SLC38A12: variants seen among roughly 807,000 people sequenced by gnomAD.
The protein encoded by SLC38A12 is putative sodium-coupled neutral amino acid transporter 12.
At chr17:74,812,600 G>A in the SLC38A12 span, among the ~76,000 whole-genome samples, 12 of 151,252 alleles carry the variant, frequency 7.9e-5, no homozygotes, top group South Asian at 4.2e-4. Flanking sequence ...TTCTTTTATC[G>A]CTTGAAATAA....
the SLC38A12 span, chr17:74,837,831 C>G: frequency 1.0e-6 from 1 of 986,042 alleles, no homozygotes; most frequent in Non-Finnish European, 1.2e-6. Flanking sequence ...GTGCCTTCTA[C>G]TGCTTCAGGA....
the SLC38A12 span, chr17:74,795,400 A>C: frequency 1.2e-6 from 1 of 812,628 alleles, no homozygotes; most frequent in South Asian, 1.7e-5. Flanking sequence ...TGCATCCCGC[A>C]AAGTGGTTTG....
the SLC38A12 span, among the ~76,000 whole-genome samples, chr17:74,831,387 A>G: frequency 6.6e-6 from 1 of 152,212 alleles, no homozygotes; most frequent in African/African-American, 2.4e-5. Flanking sequence ...GAATGAAGGA[A>G]TGAACAGTCC....
chr17:74,805,139 G>C, the SLC38A12 span, among the ~76,000 whole-genome samples: 3 of 152,230 alleles, frequency 2.0e-5, no homozygotes, highest in African/African-American at 7.2e-5. This position sits in a 1 kb window ranked among gnomAD's most constrained non-coding sequence, Gnocchi z 5.0. Flanking sequence ...CAGATCTGTC[G>C]AGGTAGTAAA....
chr17:74,839,268 C>G, the SLC38A12 span: 11 of 1,236,606 alleles, frequency 8.9e-6, no homozygotes, highest in Non-Finnish European at 1.2e-5. Context: ...CACAGCTGTC[C>G]TCACTACGGG....
chr17:74,803,210 C>T, the SLC38A12 span, among the ~76,000 whole-genome samples: 1 of 152,158 alleles, frequency 6.6e-6, no homozygotes, highest in Admixed American at 6.5e-5. Context: ...TGTAAAAGAA[C>T]TTCAGGAGCC....
At chr17:74,838,610 C>T in the SLC38A12 span, 27 of 1,319,224 alleles carry the variant, frequency 2.0e-5, no homozygotes, top group Non-Finnish European at 2.6e-5. Context: ...GTGACCACAT[C>T]GCTGATGCCA....
chr17:74,834,986 G>A, the SLC38A12 span, among the ~76,000 whole-genome samples: 25 of 152,352 alleles, frequency 1.6e-4, no homozygotes, highest in South Asian at 3.3e-3. Flanking sequence ...CCTGCGGTGC[G>A]CAGGCTGCCT....
the SLC38A12 span, chr17:74,790,312 C>T: frequency 1.2e-6 from 2 of 1,610,964 alleles, no homozygotes; most frequent in East Asian, 4.5e-5. Flanking sequence ...TCTTGGGGTT[C>T]TCGCGGGCCC....
chr17:74,831,765 G>A, the SLC38A12 span, among the ~76,000 whole-genome samples: 2 of 152,212 alleles, frequency 1.3e-5, no homozygotes, highest in South Asian at 2.1e-4. Flanking sequence ...TAGCATGTCT[G>A]GGGAGCACTT....
the SLC38A12 span, among the ~76,000 whole-genome samples, chr17:74,828,420 G>A: frequency 6.6e-6 from 1 of 152,224 alleles, no homozygotes; most frequent in East Asian, 1.9e-4. Context: ...AAAGGGATTA[G>A]GGAGGAGGAG....
At chr17:74,809,470 CCTGT>C in the SLC38A12 span, among the ~76,000 whole-genome samples, 1 of 152,152 alleles carries the variant, frequency 6.6e-6, no homozygotes, top group African/African-American at 2.4e-5. Context: ...TCCAGCTCTC[CCTGT>C]CTTTCTCGGA....
chr17:74,812,769 G>T, the SLC38A12 span, among the ~76,000 whole-genome samples: 2 of 152,140 alleles, frequency 1.3e-5, no homozygotes, highest in Admixed American at 6.5e-5. Context: ...TTCAAGGCTT[G>T]CTGCTGTACG....
chr17:74,836,578 A>G, the SLC38A12 span: 2 of 1,613,100 alleles, frequency 1.2e-6, no homozygotes, highest in Non-Finnish European at 1.7e-6. The surrounding 1 kb of genome is among the most constrained non-coding windows in gnomAD (Gnocchi z 4.2). Context: ...AGCAACAAGC[A>G]CAGGTCCCCT....
the SLC38A12 span, among the ~76,000 whole-genome samples, chr17:74,792,699 C>T: frequency 6.6e-6 from 1 of 152,216 alleles, no homozygotes; most frequent in East Asian, 1.9e-4. Flanking sequence ...TCTTTGACTG[C>T]TTTTTAGGAC....
At chr17:74,816,837 T>TA in the SLC38A12 span, among the ~76,000 whole-genome samples, 1 of 152,180 alleles carries the variant, frequency 6.6e-6, no homozygotes, top group African/African-American at 2.4e-5. Context: ...AGCTAATTTA[T>TA]AATGTCATAT....
the SLC38A12 span, among the ~76,000 whole-genome samples, chr17:74,828,515 C>T: frequency 6.6e-6 from 1 of 152,154 alleles, no homozygotes; most frequent in East Asian, 1.9e-4. Flanking sequence ...GATGAGCGGG[C>T]TGGGGGAGGG....
the SLC38A12 span, among the ~76,000 whole-genome samples, chr17:74,811,740 A>G: frequency 1.4e-5 from 2 of 146,618 alleles, no homozygotes; most frequent in Admixed American, 1.4e-4. Flanking sequence ...AAAGAAAAGA[A>G]TAGTATTGGG....
the SLC38A12 span, chr17:74,838,722 T>C: frequency 6.9e-7 from 1 of 1,442,986 alleles, no homozygotes; most frequent in African/African-American, 1.4e-5. Context: ...GATGCCAGGC[T>C]TCTGCCGCTG....
Sources: gnomAD v4.1 joint callset for allele counts (sites outside exome capture counted in the v4.1 genomes callset) on GRCh38, gnomAD v4.1.1 for gene constraint, Gnocchi (gnomAD v3.1) non-coding constraint, MANE v1.5 for transcripts, NCBI Gene and HGNC (gene_info 2026-07-23, HGNC 2026-07-21) for gene names.